The following STMND1 variants were observed in gnomAD, a reference collection of about 807,000 sequenced individuals.
The protein encoded by STMND1 is stathmin domain-containing protein 1.
A neutral mutation model predicts 23.0 loss-of-function variants in STMND1; 17 were observed. The observed-to-expected ratio is 0.74, with a 90% CI of 0.51 to 1.11. The LOEUF (loss-of-function observed/expected upper bound fraction) is 1.11. Ranked by LOEUF, STMND1 falls within the 50% of genes least tolerant of loss-of-function variation. The pLI, the probability that STMND1 is intolerant of heterozygous loss-of-function variation, is 0.00. For synonymous variants in STMND1, 114 were observed against 119.9 expected (o/e 0.95, Z 0.32); for missense variants, 305 against 329.1 (o/e 0.93, Z 0.57).
chr6:17,116,674 A>C (rs1290721575), intron 2 of STMND1, among the ~76,000 whole-genome samples: 1 of 152,060 alleles, frequency 6.6e-6, no homozygotes, highest in Non-Finnish European at 1.5e-5. Context: ...TCCTGACCTC[A>C]AGTGATCCAC....
intron 3 of STMND1, 71 bp from the exon 4 acceptor site, chr6:17,129,041 T>G: frequency 6.9e-7 from 1 of 1,448,432 alleles, no homozygotes; most frequent in South Asian, 1.3e-5. Flanking sequence ...CTGTTTATTC[T>G]AACTCTTTTG....
intron 2 of STMND1, among the ~76,000 whole-genome samples, chr6:17,118,049 T>C (rs949845004): frequency 6.6e-5 from 10 of 152,200 alleles, no homozygotes; most frequent in Admixed American, 2.0e-4. Flanking sequence ...ATTATATCTA[T>C]ATTCAACTCA....
intron 2 of STMND1, 45 bp from the exon 3 acceptor site, chr6:17,120,562 A>G (rs895529588): frequency 7.0e-7 from 1 of 1,421,918 alleles, no homozygotes; most frequent in East Asian, 2.5e-5. Flanking sequence ...AAAAATCTTC[A>G]TTCTTAAATT....
chr6:17,109,579 A>T (rs143900046), intron 1 of STMND1, among the ~76,000 whole-genome samples: 206 of 152,268 alleles, frequency 1.4e-3, no homozygotes, highest in African/African-American at 4.9e-3. Context: ...CCTTATTTTT[A>T]ATTCATTTTT....
chr6:17,112,662 A>C (rs903328458), intron 1 of STMND1, among the ~76,000 whole-genome samples: 3 of 152,132 alleles, frequency 2.0e-5, no homozygotes, highest in African/African-American at 7.2e-5. Context: ...CTGTAGTCCC[A>C]GCTACTCAGG....
intron 1 of STMND1, among the ~76,000 whole-genome samples, chr6:17,103,788 T>C (rs995767105): frequency 6.6e-6 from 1 of 152,030 alleles, no homozygotes; most frequent in Non-Finnish European, 1.5e-5. Context: ...GTCAGGCTGG[T>C]CTCGAACTCC....
intron 1 of STMND1, among the ~76,000 whole-genome samples, chr6:17,107,666 G>C (rs776040895): frequency 9.9e-5 from 15 of 152,118 alleles, no homozygotes; most frequent in Non-Finnish European, 1.9e-4. Context: ...TACAATCACG[G>C]CTTTCTGCAG....
At position 17,105,002 on chromosome 6, in the gene STMND1, T is replaced by C. The variant is rs527400249; in HGVS notation, c.81+2664T>C. On this transcript the variant is annotated intron_variant, in intron 1 of 4. Transcript: ENST00000536551. ...AAAAAAAAACTGTACTGAACATGTA[T>C]AGACTTTTTTTTGTTATTGTGCCTT... 2.8e-3 allele frequency among the ~76,000 whole-genome samples: 421 copies of C among 152,356 alleles called. 2 individuals are homozygous for C. Among genetic ancestry groups the C allele is most frequent in the Non-Finnish European group, 4.7e-3 (321 of 68,034 alleles).
chr6:17,125,541 G>C (rs1315457032), intron 3 of STMND1, among the ~76,000 whole-genome samples: 1 of 152,176 alleles, frequency 6.6e-6, no homozygotes, highest in Non-Finnish European at 1.5e-5. Flanking sequence ...TTGGGAACCT[G>C]AAGTGTACTT....
At chr6:17,115,943 T>C (rs1761153633) in intron 2 of STMND1, among the ~76,000 whole-genome samples, 1 of 152,226 alleles carries the variant, frequency 6.6e-6, no homozygotes, top group Non-Finnish European at 1.5e-5. Flanking sequence ...CCCCTTGCTG[T>C]AGTCAGCGTG....
intron 2 of STMND1, among the ~76,000 whole-genome samples, chr6:17,118,438 TC>T (rs2113485572): frequency 6.6e-6 from 1 of 152,284 alleles, no homozygotes; most frequent in East Asian, 1.9e-4. Context: ...ACAGTAACTA[TC>T]ACTTTTATAA....
intron 4 of STMND1, among the ~76,000 whole-genome samples, 181 bp downstream of exon 4, chr6:17,129,424 T>C (rs1581375945): frequency 6.6e-6 from 1 of 151,772 alleles, no homozygotes; most frequent in African/African-American, 2.4e-5. Flanking sequence ...CAGGCTGGAG[T>C]ACAGTGGCAT....
chr6:17,117,421 AT>A (rs1284116522), intron 2 of STMND1, among the ~76,000 whole-genome samples: 1 of 151,930 alleles, frequency 6.6e-6, no homozygotes, highest in Non-Finnish European at 1.5e-5. Flanking sequence ...TCATATTCAA[AT>A]TTTGTCAATT....
chr6:17,126,066 ATATATTT>A (rs1208473973), intron 3 of STMND1, among the ~76,000 whole-genome samples: 8 of 23,286 alleles, frequency 3.4e-4, no homozygotes, highest in East Asian at 2.4e-3. Flanking sequence ...ATATATATAT[ATATATTT>A]TTTTTTTTTT....
chr6:17,113,439 A>C (rs1761119728), intron 1 of STMND1, among the ~76,000 whole-genome samples: 1 of 152,206 alleles, frequency 6.6e-6, no homozygotes, highest in Admixed American at 6.5e-5. Context: ...CCAGATTATC[A>C]AGGGTAATCT....
chr6:17,130,726 G>A lies in STMND1; in HGVS notation c.676G>A (p.Gly226Arg). ...AGGACTTCAAAGGGTGAGGTCTGCT[G>A]GATTTGAACCATCTGACCTGCAGGG... Reference protein sequence around the residue: ...AKGLQRVRSAGFEPSDLQGGK... With the variant: ...AKGLQRVRSARFEPSDLQGGK... Residue 226 changes from glycine (G) to arginine (R), a missense_variant, in exon 5 of 5, where the codon GGA (glycine) becomes AGA (arginine). Transcript: ENST00000536551. 1 of 1,536,054 alleles carries A rather than the reference G, an allele frequency of 6.5e-7. No individual in the cohort carries two copies. Among genetic ancestry groups the A allele is most frequent in the Non-Finnish European group, 8.7e-7 (1 of 1,146,894 alleles).
intron 1 of STMND1, among the ~76,000 whole-genome samples, chr6:17,105,897 C>A (rs967551682): frequency 6.6e-6 from 1 of 152,182 alleles, no homozygotes; most frequent in East Asian, 1.9e-4. Flanking sequence ...TGCACTCCAG[C>A]CTGGGCAAAA....
chr6:17,112,208 C>A (rs1761104722), intron 1 of STMND1, among the ~76,000 whole-genome samples: 1 of 152,160 alleles, frequency 6.6e-6, no homozygotes, highest in Non-Finnish European at 1.5e-5. Context: ...TTTGCCTATT[C>A]TCAATATGAA....
rs1240881917 is a variant in STMND1, at chr6:17,130,750, G to A, written c.700G>A (p.Gly234Arg). Reference protein sequence around the residue: ...SAGFEPSDLQGGKPLKRKKSK... With the variant: ...SAGFEPSDLQRGKPLKRKKSK... ...TGGATTTGAACCATCTGACCTGCAG[G>A]GAGGAAAACCATTGAAGAGGAAGAA... The change falls in exon 5 of 5, where the codon GGA becomes AGA. Residue 234 changes from glycine (G) to arginine (R), a missense_variant. Coordinates refer to ENST00000536551, the MANE Select transcript of STMND1 (RefSeq NM_001190766.2). 37 of 1,535,942 alleles carry A rather than the reference G, an allele frequency of 2.4e-5. No individual in the cohort carries two copies. Among genetic ancestry groups the A allele is most frequent in the Non-Finnish European group, 3.2e-5 (37 of 1,146,910 alleles).
Sources: allele counts gnomAD v4.1 joint callset (sites outside exome capture counted in the v4.1 genomes callset), GRCh38; gene constraint gnomAD v4.1.1; transcripts MANE v1.5; gene names NCBI Gene and HGNC (gene_info 2026-07-23, HGNC 2026-07-21).